TELO2: variants seen among roughly 807,000 people sequenced by gnomAD.
TELO2 encodes the protein telomere maintenance 2.
A neutral mutation model predicts 91.0 loss-of-function variants in TELO2; 71 were observed. The ratio of observed to expected loss-of-function variants is 0.78; its 90% CI spans 0.64 to 0.95. The LOEUF (loss-of-function observed/expected upper bound fraction) is 0.95. Among genes scored for constraint, TELO2 ranks in the 40% least tolerant of loss-of-function variants. The probability of loss-of-function intolerance (pLI) is 0.00; values close to 1 mark genes in which losing one functional copy is unlikely to be tolerated. For synonymous variants in TELO2, 584 were observed against 518.9 expected, an observed-to-expected ratio of 1.13 and a Z score of -1.71; for missense variants, 1,183 against 1,141.3, an observed-to-expected ratio of 1.04 and a Z score of -0.53.
rs377307281 is a variant in TELO2 at position 1,494,166 on chromosome 16, CG to C, written c.-36-76del. On this transcript the variant is annotated intron_variant, in intron 1 of 20. Transcript: ENST00000262319. The surrounding 1 kb of genome is among the most constrained non-coding windows in gnomAD (Gnocchi z 5.6). ...ACCAGGGTTGAGGGGTGTGGGGTCT[CG>C]GGGCGCTCACCGAGGGGCTTCCTGA... 154 of 985,776 alleles carry C rather than the reference CG, an allele frequency of 1.6e-4. No individual in the cohort carries two copies. In the African/African-American group the frequency reaches 2.4e-3, roughly 15 times the overall value. The allele number at this position is 985,776 out of a possible 1,614,324, so 61.1% of individuals were successfully genotyped here.
Position 1,497,215 on chromosome 16 carries a change from T to C in TELO2, c.682+111T>C. 1 of 1,519,946 alleles carries C rather than the reference T, an allele frequency of 6.6e-7. No individual in the cohort carries two copies. The highest frequency in any genetic ancestry group is 2.4e-5 in the East Asian group (1 of 41,278). 94.2% of individuals were successfully genotyped at this position (1,519,946 alleles called of 1,614,324 possible). A position where few individuals can be genotyped will look rare whatever the true frequency, so the allele number is the denominator to read the frequency against. Reference sequence around the variant, plus strand: ...ACCCTGGCCCTCTGCAGGGTCCCCTTGCCCGGTCCTGTCCTGGGCCCGTGG... The same window carrying C: ...ACCCTGGCCCTCTGCAGGGTCCCCTCGCCCGGTCCTGTCCTGGGCCCGTGG... On this transcript the variant is annotated intron_variant, in intron 4 of 20. Transcript: ENST00000262319. This position sits in a 1 kb window ranked among gnomAD's most constrained non-coding sequence, Gnocchi z 4.0.
chr16:1,502,261 G>A, intron 12 of TELO2, 52 bp from the exon 13 acceptor site: 1 of 1,566,154 alleles, frequency 6.4e-7, no homozygotes, highest in South Asian at 1.1e-5. Flanking sequence ...TGGCTCTCAT[G>A]GGTTCAGGGT....
chr16:1,496,970 C>T, intron 3 of TELO2, 66 bp from the exon 4 acceptor site: 3 of 1,530,504 alleles, frequency 2.0e-6, no homozygotes, highest in Non-Finnish European at 1.8e-6. Context: ...GCAGCTCTCC[C>T]CACACCTAGA....
chr16:1,506,871 C>A, intron 17 of TELO2, 81 bp from the exon 18 acceptor site: 1 of 1,472,156 alleles, frequency 6.8e-7, no homozygotes. Flanking sequence ...GGGGCTCCCT[C>A]GGTCTCCCAC....
intron 15 of TELO2, among the ~76,000 whole-genome samples, chr16:1,503,331 T>C (rs957803630): frequency 2.6e-5 from 4 of 152,230 alleles, no homozygotes; most frequent in African/African-American, 9.6e-5. Context: ...ACTGGAAGGC[T>C]GAGGCGGGAG....
At chr16:1,503,800 AACGT>A (rs1358982411) in intron 15 of TELO2, among the ~76,000 whole-genome samples, 2 of 152,072 alleles carry the variant, frequency 1.3e-5, no homozygotes, top group Non-Finnish European at 2.9e-5. Flanking sequence ...GCCCATCATG[AACGT>A]ACTTATTAAT....
chr16:1,499,194 C>T, intron 5 of TELO2, 37 bp from the exon 6 acceptor site: 4 of 1,609,346 alleles, frequency 2.5e-6, no homozygotes, highest in African/African-American at 1.3e-5. Context: ...TGTCTCCAGG[C>T]CGGCTTGCAG....
chr16:1,497,672 G>A lies in TELO2; in HGVS notation c.830+164G>A, dbSNP rs2039543264. On this transcript the variant is annotated intron_variant, in intron 5 of 20. Transcript: ENST00000262319. This position sits in a 1 kb window ranked among gnomAD's most constrained non-coding sequence, Gnocchi z 4.0. The stretch of plus-strand genomic sequence containing the variant: ...TGCCCTCTCAGTTCCCGCACGTGCT[G>A]ATGGTGACCTCTGTATCAGAGGGTC... Among the ~76,000 whole-genome samples the A allele has an allele frequency of 6.6e-6, 1 of 152,224 alleles. No homozygotes were observed. Among genetic ancestry groups the A allele is most frequent in the Admixed American group, 6.5e-5 (1 of 15,284 alleles).
chr16:1,510,123 C>G lies in TELO2; in HGVS notation c.*187C>G. The G allele has an allele frequency of 1.7e-6, 1 of 595,032 alleles. No homozygotes were observed. 36.9% of individuals were successfully genotyped at this position (595,032 alleles called of 1,614,324 possible). ...GTGCAGCCAGTCCGCTAAAAATACA[C>G]TGGGCCTGGGCACTGCCCGCCGGGA... On this transcript the variant is annotated 3_prime_UTR_variant, in exon 21 of 21. Coordinates refer to ENST00000262319, the MANE Select transcript of TELO2 (RefSeq NM_016111.4).
chr16:1,510,449 T>A lies in TELO2; in HGVS notation c.*513T>A, dbSNP rs1324555609. 2 of 222,032 alleles carry A rather than the reference T, an allele frequency of 9.0e-6. No homozygotes were observed. Among genetic ancestry groups the A allele is most frequent in the Non-Finnish European group, 1.8e-5 (2 of 110,480 alleles). 13.8% of individuals were successfully genotyped at this position (222,032 alleles called of 1,614,324 possible). ...GGCTCTCAGAAAATAAACTGCTTTA[T>A]TGGAATTACAGGAGTGTTGGTGGCC... On this transcript the variant is annotated 3_prime_UTR_variant, in exon 21 of 21. Transcript: ENST00000262319.
intron 7 of TELO2, 21 bp from the exon 8 acceptor site, chr16:1,500,326 C>T (rs541259427): frequency 6.4e-6 from 10 of 1,567,086 alleles, no homozygotes; most frequent in African/African-American, 1.3e-5. Context: ...CCCACACAGT[C>T]GTGGGCCATG....
At chr16:1,501,955 G>C in intron 11 of TELO2, 92 bp from the exon 12 acceptor site, 1 of 1,556,408 alleles carries the variant, frequency 6.4e-7, no homozygotes, top group South Asian at 1.1e-5. Flanking sequence ...CGTGAGCTCC[G>C]CATCTTGGGG....
intron 17 of TELO2, 112 bp downstream of exon 17, chr16:1,506,441 C>T (rs1342997431): frequency 4.4e-6 from 7 of 1,581,780 alleles, no homozygotes; most frequent in African/African-American, 2.7e-5. Flanking sequence ...TGAACAGGGT[C>T]GTGCTTTGCT....
intron 5 of TELO2, among the ~76,000 whole-genome samples, chr16:1,498,611 A>AT (rs1358189363): frequency 6.6e-6 from 1 of 151,746 alleles, no homozygotes; most frequent in Admixed American, 6.6e-5. Flanking sequence ...TAATTTTTAA[A>AT]TTTTTTGTAG....
chr16:1,507,268 G>T (rs563746535), intron 18 of TELO2, 38 bp from the exon 19 acceptor site: 6 of 1,599,912 alleles, frequency 3.8e-6, no homozygotes, highest in Non-Finnish European at 5.1e-6. Flanking sequence ...TGGGGACGGC[G>T]TCGGGACCCC....
chr16:1,494,765 T>G lies in TELO2; in HGVS notation c.335+149T>G. The G allele has an allele frequency of 1.1e-6, 1 of 892,138 alleles. No individual in the cohort carries two copies. The allele number at this position is 892,138 out of a possible 1,614,324, so 55.3% of individuals were successfully genotyped here. On this transcript the variant is annotated intron_variant, in intron 2 of 20. Coordinates refer to ENST00000262319, the MANE Select transcript of TELO2 (RefSeq NM_016111.4). This position sits in a 1 kb window ranked among gnomAD's most constrained non-coding sequence, Gnocchi z 5.6. Reference sequence around the variant, plus strand: ...CTGAACCCCTGAACAGAAGAAGCGGTCTGTGTCTGTCTCCTTTGCGACGGG... The same window carrying G: ...CTGAACCCCTGAACAGAAGAAGCGGGCTGTGTCTGTCTCCTTTGCGACGGG...
rs144483656 is a variant in TELO2, at chr16:1,500,370, G to A, written c.1026G>A (p.Thr342=). 17,542 of 1,595,200 alleles carry A rather than the reference G, an allele frequency of 0.011. 136 individuals are homozygous for A. Among genetic ancestry groups the A allele is most frequent in the Non-Finnish European group, 0.013 (15,089 of 1,172,826 alleles). ...LLQVLKELLE[T]WGSSSAIRHT... ...AGGTGCTGAAGGAGCTGTTGGAGAC[G>A]TGGGGCAGCAGCAGTGCCATCCGCC... is the stretch of plus-strand genomic sequence containing the variant. Residue 342 remains threonine (T), a synonymous_variant, in exon 8 of 21, where the codon ACG becomes ACA. Coordinates refer to ENST00000262319, the MANE Select transcript of TELO2 (RefSeq NM_016111.4).
At position 1,501,427 on chromosome 16, in the gene TELO2, A is replaced by G. The variant is rs200563810; in HGVS notation, c.1289A>G (p.Glu430Gly). The G allele has an allele frequency of 6.2e-7, 1 of 1,612,372 alleles. No individual in the cohort carries two copies. Among genetic ancestry groups the G allele is most frequent in the South Asian group, 1.1e-5 (1 of 91,028 alleles). Reference sequence around the variant, plus strand: ...CCTGCTCCCCTGCTGTAGTACGAAGAGGATGAACTGAGCCTCGAGCTGCTG... The same window carrying G: ...CCTGCTCCCCTGCTGTAGTACGAAGGGGATGAACTGAGCCTCGAGCTGCTG... ...EGPPLKFQYE[E>G]DELSLELLAL... Residue 430 changes from glutamate (E) to glycine (G), a missense_variant, in exon 10 of 21, where the codon GAG (glutamate) becomes GGG (glycine). Coordinates refer to ENST00000262319, the MANE Select transcript of TELO2 (RefSeq NM_016111.4).
rs1045977965 is a variant in TELO2, at chr16:1,494,750, G to C, written c.335+134G>C. On this transcript the variant is annotated intron_variant, in intron 2 of 20. Transcript: ENST00000262319. This position sits in a 1 kb window ranked among gnomAD's most constrained non-coding sequence, Gnocchi z 5.6. ...AGAGCCTGCTCCTGGCTGAACCCCTGAACAGAAGAAGCGGTCTGTGTCTGT... is the reference window on the plus strand; with the variant it reads ...AGAGCCTGCTCCTGGCTGAACCCCTCAACAGAAGAAGCGGTCTGTGTCTGT... 6.0e-6 allele frequency: 6 copies of C among 999,808 alleles called. No homozygotes were observed. In the Admixed American group the frequency reaches 1.5e-4, roughly 24 times the overall value. 61.9% of individuals were successfully genotyped at this position (999,808 alleles called of 1,614,324 possible).
Sources: gnomAD v4.1 joint callset for allele counts (sites outside exome capture counted in the v4.1 genomes callset) on GRCh38, gnomAD v4.1.1 for gene constraint, Gnocchi (gnomAD v3.1) non-coding constraint, MANE v1.5 for transcripts, NCBI Gene and HGNC (gene_info 2026-07-23, HGNC 2026-07-21) for gene names.